Variants in TTLL5 observed in about 807,000 individuals in gnomAD.
TTLL5 encodes tubulin polyglutamylase TTLL5.
A neutral mutation model predicts 168.4 loss-of-function variants in TTLL5; 132 were observed. The observed-to-expected ratio is 0.78, with a 90% CI of 0.68 to 0.91. The LOEUF (loss-of-function observed/expected upper bound fraction) is 0.91. TTLL5 is among the 40% of genes least tolerant of loss of function. The pLI is 0.00. For missense variants in TTLL5, 1,545 were observed against 1,581.5 expected (o/e 0.98, Z 0.39); for synonymous variants, 546 against 558.6 (o/e 0.98, Z 0.32).
chr14:75,892,456 A>G (rs1022882877), intron 30 of TTLL5, among the ~76,000 whole-genome samples: 9 of 152,232 alleles, frequency 5.9e-5, no homozygotes, highest in African/African-American at 1.9e-4. Context: ...AGCCACGCTC[A>G]TTACTTGAAA....
At chr14:75,734,082 C>T in intron 14 of TTLL5, 32 bp downstream of exon 14, 1 of 1,606,250 alleles carries the variant, frequency 6.2e-7, no homozygotes, top group Non-Finnish European at 8.5e-7. Context: ...ACTGGACTCA[C>T]ATAAAAATTA....
rs766296124 is a variant in TTLL5, at chr14:75,709,391, C to T, written c.740+1684C>T. ...ACCTCGCTGGTGGAGCTCTGTGTTC[C>T]GTTCGCCTCTAGGTGGCAGTCACAG... On this transcript the variant is annotated intron_variant, in intron 9 of 31. Coordinates refer to ENST00000298832, the MANE Select transcript of TTLL5 (RefSeq NM_015072.5). The T allele has an allele frequency of 2.9e-4, 160 of 552,684 alleles. 1 individual carries two copies. The highest frequency in any genetic ancestry group is 9.4e-4 in the Middle Eastern group (2 of 2,122). The allele number at this position is 552,684 out of a possible 1,614,324, so 34.2% of individuals were successfully genotyped here. A position where few individuals can be genotyped will look rare whatever the true frequency, so the allele number is the denominator to read the frequency against.
intron 31 of TTLL5, among the ~76,000 whole-genome samples, chr14:75,915,977 C>A (rs926673602): frequency 6.6e-6 from 1 of 151,964 alleles, no homozygotes; most frequent in African/African-American, 2.4e-5. Context: ...ACAATAAAAA[C>A]AATTAGACAG....
chr14:75,688,640 C>T (rs1490768853), intron 5 of TTLL5, among the ~76,000 whole-genome samples: 2 of 152,100 alleles, frequency 1.3e-5, no homozygotes, highest in African/African-American at 2.4e-5. Context: ...TCTTGTGGGA[C>T]TGAGCCTTCA....
chr14:75,665,624 C>G (rs911136185), intron 2 of TTLL5, among the ~76,000 whole-genome samples: 14 of 152,196 alleles, frequency 9.2e-5, no homozygotes, highest in African/African-American at 3.4e-4. Flanking sequence ...TTTGGGAGGC[C>G]GAGGTGGGCA....
In TTLL5 at chr14:75,690,193, T is replaced by G; in HGVS notation, c.373T>G (p.Ser125Ala). The G allele has an allele frequency of 1.2e-6, 2 of 1,612,862 alleles. No homozygotes were observed. The highest frequency in any genetic ancestry group is 2.2e-5 in the South Asian group (2 of 90,804). Residue 125 changes from serine (S) to alanine (A), a missense_variant and splice_region_variant, in exon 6 of 32, where the codon TCT (serine) becomes GCT (alanine). Coordinates refer to ENST00000298832, the MANE Select transcript of TTLL5 (RefSeq NM_015072.5). Reference sequence around the variant, plus strand: ...GGAAATACTTTTTTGATTTTTCAGGTCTTATGAACTTACCCGGAAGGACCG... The same window carrying G: ...GGAAATACTTTTTTGATTTTTCAGGGCTTATGAACTTACCCGGAAGGACCG... ...EAQKVNHFPR[S>A]YELTRKDRLY...
chr14:75,695,675 A>G (rs1398128336), intron 6 of TTLL5, among the ~76,000 whole-genome samples: 2 of 152,302 alleles, frequency 1.3e-5, no homozygotes, highest in African/African-American at 4.8e-5. Flanking sequence ...AGGGAAATAG[A>G]AAAGAACCTA....
intron 6 of TTLL5, among the ~76,000 whole-genome samples, chr14:75,695,763 T>A (rs1239113888): frequency 1.3e-5 from 2 of 151,562 alleles, no homozygotes; most frequent in African/African-American, 4.9e-5. Flanking sequence ...AAGTAGAGGG[T>A]ACTGTCTCCA....
intron 28 of TTLL5, among the ~76,000 whole-genome samples, chr14:75,857,690 C>T (rs1897203182): frequency 6.8e-6 from 1 of 147,802 alleles, no homozygotes; most frequent in South Asian, 2.1e-4. Flanking sequence ...CTCACTCTGT[C>T]GCCCAGGCTG....
chr14:75,709,255 T>G, intron 9 of TTLL5: 3 of 755,608 alleles, frequency 4.0e-6, no homozygotes, highest in Non-Finnish European at 7.3e-6. Context: ...TTGACAGATA[T>G]TATTGTACTC....
intron 15 of TTLL5, among the ~76,000 whole-genome samples, chr14:75,736,984 G>A (rs904486252): frequency 4.6e-5 from 7 of 152,182 alleles, no homozygotes; most frequent in Admixed American, 4.6e-4. Flanking sequence ...TGCAGTATCT[G>A]TGGCAAGAAC....
chr14:75,941,843 CTTT>C (rs71122506), intron 31 of TTLL5, among the ~76,000 whole-genome samples: 52 of 69,414 alleles, frequency 7.5e-4, no homozygotes, highest in African/African-American at 2.9e-3. Context: ...TCATGATGAA[CTTT>C]TTTTTTTTTT....
intron 26 of TTLL5, among the ~76,000 whole-genome samples, chr14:75,787,263 G>A (rs1251793384): frequency 3.9e-5 from 6 of 151,944 alleles, no homozygotes; most frequent in African/African-American, 1.2e-4. Flanking sequence ...TTTACCAGAG[G>A]CACACCTAAG....
chr14:75,700,734 A>G (rs1191606118), intron 7 of TTLL5, among the ~76,000 whole-genome samples: 2 of 152,164 alleles, frequency 1.3e-5, no homozygotes, highest in Admixed American at 6.5e-5. Context: ...CTCCTGCTCT[A>G]AAACTTGCCT....
chr14:75,736,844 G>T (rs1446125447), intron 15 of TTLL5, among the ~76,000 whole-genome samples: 1 of 152,198 alleles, frequency 6.6e-6, no homozygotes, highest in Admixed American at 6.5e-5. Flanking sequence ...TACCAGGGTT[G>T]TACTTGATCA....
intron 24 of TTLL5, among the ~76,000 whole-genome samples, chr14:75,781,553 G>A (rs1205866334): frequency 6.6e-6 from 1 of 152,054 alleles, no homozygotes; most frequent in African/African-American, 2.4e-5. Flanking sequence ...GATTAGCTCT[G>A]GCTATTCTGT....
intron 31 of TTLL5, among the ~76,000 whole-genome samples, chr14:75,953,846 G>A (rs2035032348): frequency 6.6e-6 from 1 of 152,056 alleles, no homozygotes; most frequent in Non-Finnish European, 1.5e-5. Context: ...AAAAGGGAAA[G>A]ATAAAGTGTT....
chr14:75,772,823 A>C (rs554338062), intron 21 of TTLL5, among the ~76,000 whole-genome samples: 1 of 151,984 alleles, frequency 6.6e-6, no homozygotes, highest in African/African-American at 2.4e-5. Flanking sequence ...ACCCACCACC[A>C]AGCCTAGCTA....
intron 29 of TTLL5, among the ~76,000 whole-genome samples, chr14:75,865,286 G>A (rs935575162): frequency 7.4e-5 from 11 of 149,454 alleles, no homozygotes; most frequent in Non-Finnish European, 3.0e-5. Context: ...TTTAATCTGT[G>A]TTCTTAAATT....
Sources: allele counts gnomAD v4.1 joint callset (sites outside exome capture counted in the v4.1 genomes callset), GRCh38; gene constraint gnomAD v4.1.1; transcripts MANE v1.5; gene names NCBI Gene and HGNC (gene_info 2026-07-23, HGNC 2026-07-21).